The following COMT variants were observed in gnomAD, a reference collection of about 807,000 sequenced individuals.
COMT encodes the protein catechol-O-methyltransferase, also known as catechol O-methyltransferase.
In COMT, 13 loss-of-function variants were observed where a neutral mutation model predicts 18.9. The observed-to-expected ratio is 0.69, with a 90% confidence interval of 0.45 to 1.09. COMT has a LOEUF of 1.09. Ranked by LOEUF, COMT falls within the 50% of genes least tolerant of loss-of-function variation. COMT has a pLI of 0.00. For synonymous variants in COMT, 150 were observed against 160.9 expected, an observed-to-expected ratio of 0.93 and a Z score of 0.51; for missense variants, 329 against 361.8, an observed-to-expected ratio of 0.91 and a Z score of 0.73.
intron 1 of COMT, among the ~76,000 whole-genome samples, chr22:19,942,421 G>A (rs1301083683): frequency 1.3e-5 from 2 of 152,018 alleles, no homozygotes; most frequent in Non-Finnish European, 2.9e-5. Flanking sequence ...AGGCCTTGGG[G>A]TACCCCAGGG....
chr22:19,964,678 C>G, intron 5 of COMT: 3 of 570,892 alleles, frequency 5.3e-6, no homozygotes, highest in Non-Finnish European at 9.4e-6. Context: ...CCCAAGCAAG[C>G]CACTGCTCGT....
chr22:19,941,891 G>A lies in COMT; in HGVS notation c.-98G>A, dbSNP rs958349283. ...GGTCCAGTCCCGGGCGGGCCGTCGC[G>A]GGAGAGGTGAGAGCGCTGGCTAGAC... On this transcript the variant is annotated 5_prime_UTR_variant, in exon 1 of 6. Transcript: ENST00000361682. The A allele has an allele frequency of 9.0e-6, 12 of 1,338,936 alleles. No individual in the cohort carries two copies. Among genetic ancestry groups the A allele is most frequent in the Non-Finnish European group, 1.2e-5 (12 of 1,039,968 alleles). 82.9% of individuals were successfully genotyped at this position (1,338,936 alleles called of 1,614,324 possible).
chr22:19,964,520 T>G, intron 5 of COMT: 1 of 714,672 alleles, frequency 1.4e-6, no homozygotes, highest in Non-Finnish European at 2.4e-6. Flanking sequence ...GGGTGGCCTG[T>G]TGGGAACTGG....
Position 19,969,714 on chromosome 22 carries a change from C to T in COMT, c.*978C>T, listed in dbSNP as rs1420605796. On this transcript the variant is annotated 3_prime_UTR_variant, in exon 6 of 6. Transcript: ENST00000361682. ...CAGCCCACTCCTATGGATAGACAGA[C>T]CAGTGAGCCCAAGTGGACAAGTTTG... is the stretch of plus-strand genomic sequence containing the variant. The T allele has an allele frequency of 2.0e-6, 1 of 497,944 alleles. No individual in the cohort carries two copies. Among genetic ancestry groups the T allele is most frequent in the South Asian group, 8.6e-5 (1 of 11,646 alleles). The allele number at this position is 497,944 out of a possible 1,614,324, so 30.8% of individuals were successfully genotyped here. A position where few individuals can be genotyped will look rare whatever the true frequency, so the allele number is the denominator to read the frequency against.
In COMT at chr22:19,968,817, C is replaced by T. The variant is rs1011662017; in HGVS notation, c.*81C>T. 1.7e-5 allele frequency: 23 copies of T among 1,360,436 alleles called. No homozygotes were observed. Among genetic ancestry groups the T allele is most frequent in the Admixed American group, 5.7e-5 (3 of 52,992 alleles). 84.3% of individuals were successfully genotyped at this position (1,360,436 alleles called of 1,614,324 possible). A position where few individuals can be genotyped will look rare whatever the true frequency, so the allele number is the denominator to read the frequency against. On this transcript the variant is annotated 3_prime_UTR_variant, in exon 6 of 6. Transcript: ENST00000361682. ...CAGACGTGCTCCTGCTGACCTTCTG[C>T]GGCTCCGGGCTGTGTCCTAAATGCA...
chr22:19,959,541 G>A (rs1410150253), intron 1 of COMT, among the ~76,000 whole-genome samples: 2 of 152,364 alleles, frequency 1.3e-5, no homozygotes, highest in African/African-American at 2.4e-5. Flanking sequence ...GCCCTACGGG[G>A]CTGGGGCGGG....
chr22:19,964,407 A>C, intron 5 of COMT, 108 bp downstream of exon 5: 1 of 1,509,182 alleles, frequency 6.6e-7, no homozygotes, highest in Non-Finnish European at 9.1e-7. Flanking sequence ...CTGTGTGGAC[A>C]CAGCTCGCTC....
intron 1 of COMT, among the ~76,000 whole-genome samples, chr22:19,942,758 G>A (rs368292747): frequency 1.6e-4 from 25 of 152,350 alleles, no homozygotes; most frequent in Middle Eastern, 3.4e-3. Context: ...GCTCCATGCT[G>A]ATTTGTCTAG....
At chr22:19,950,053 A>C (rs894208456) in intron 1 of COMT, among the ~76,000 whole-genome samples, 2 of 152,128 alleles carry the variant, frequency 1.3e-5, no homozygotes, top group African/African-American at 4.8e-5. Flanking sequence ...TATTCAATGA[A>C]TGTCTATTAT....
At chr22:19,963,852 C>T (rs754242441) in intron 4 of COMT, 93 bp downstream of exon 4, 2 of 1,441,786 alleles carry the variant, frequency 1.4e-6, no homozygotes, top group Admixed American at 2.0e-5. Context: ...CAGGTGTTCA[C>T]ACCACGTTCA....
chr22:19,962,468 C>T (rs1827390345), intron 2 of COMT, 59 bp from the exon 3 acceptor site: 6 of 1,550,538 alleles, frequency 3.9e-6, no homozygotes, highest in Admixed American at 1.9e-5. Flanking sequence ...AGCAAAGGGG[C>T]GTGTGGGTGC....
chr22:19,956,393 T>C (rs1271044596), intron 1 of COMT, among the ~76,000 whole-genome samples: 1 of 144,238 alleles, frequency 6.9e-6, no homozygotes, highest in Non-Finnish European at 1.5e-5. Flanking sequence ...TTTTTTTTTT[T>C]TGAGACGGAG....
intron 1 of COMT, among the ~76,000 whole-genome samples, chr22:19,944,752 G>A (rs1941808823): frequency 1.4e-5 from 2 of 146,826 alleles, no homozygotes; most frequent in Admixed American, 6.7e-5. Context: ...AACCCGGGAG[G>A]TGGAGCTTGC....
At chr22:19,943,858 TGTG>T (rs1234741957) in intron 1 of COMT, among the ~76,000 whole-genome samples, 1 of 151,304 alleles carries the variant, frequency 6.6e-6, no homozygotes, top group East Asian at 2.0e-4. Context: ...GTATCCCAGT[TGTG>T]GTTACTTTCT....
At chr22:19,958,046 G>A (rs1434286706) in intron 1 of COMT, among the ~76,000 whole-genome samples, 1 of 152,062 alleles carries the variant, frequency 6.6e-6, no homozygotes, top group Non-Finnish European at 1.5e-5. Flanking sequence ...TCAATTCTTG[G>A]TATACACCTA....
At chr22:19,951,377 A>G (rs970420603) in intron 1 of COMT, 4 of 150,492 alleles carry the variant, frequency 2.7e-5, no homozygotes, top group Admixed American at 2.7e-4. Context: ...AAAAAAAAAA[A>G]GCCTGGGACT....
chr22:19,953,384 C>T (rs1008900091), intron 1 of COMT, among the ~76,000 whole-genome samples: 6 of 152,144 alleles, frequency 3.9e-5, no homozygotes, highest in Non-Finnish European at 5.9e-5. Context: ...ACCTCCACCT[C>T]CACGGTTCAA....
At chr22:19,942,343 TG>T in intron 1 of COMT, among the ~76,000 whole-genome samples, 2 of 152,092 alleles carry the variant, frequency 1.3e-5, no homozygotes, top group East Asian at 3.9e-4. Flanking sequence ...GCAGGAGGCC[TG>T]GGGGAGGGTC....
At chr22:19,943,597 T>G (rs1941783224) in intron 1 of COMT, among the ~76,000 whole-genome samples, 1 of 151,758 alleles carries the variant, frequency 6.6e-6, no homozygotes, top group Non-Finnish European at 1.5e-5. Flanking sequence ...AGCCATGATC[T>G]TGCCTCTATA....
Sources: gnomAD v4.1 joint callset for allele counts (sites outside exome capture counted in the v4.1 genomes callset) on GRCh38, gnomAD v4.1.1 for gene constraint, MANE v1.5 for transcripts, NCBI Gene and HGNC (gene_info 2026-07-23, HGNC 2026-07-21) for gene names.